Variants in COL4A6 observed in about 807,000 individuals in gnomAD.
The protein encoded by COL4A6 is collagen alpha-6(IV) chain.
A neutral mutation model predicts 126.7 loss-of-function variants in COL4A6; 59 were observed. The observed-to-expected ratio is 0.47, with a 90% CI of 0.38 to 0.58. The LOEUF (loss-of-function observed/expected upper bound fraction) is 0.58, where lower values mean the gene tolerates loss of function less well. Among genes scored for constraint, COL4A6 ranks in the 20% least tolerant of loss-of-function variants. The probability of loss-of-function intolerance (pLI) is 0.00; values close to 1 mark genes in which losing one functional copy is unlikely to be tolerated. For missense variants in COL4A6, 1,285 were observed against 1,337.3 expected (o/e 0.96, Z 0.61); for synonymous variants, 547 against 496.6 (o/e 1.10, Z -1.35).
chrX:108,186,828 C>A (rs950253181), intron 23 of COL4A6, among the ~76,000 whole-genome samples: 3 of 111,061 alleles, frequency 2.7e-5, no homozygotes, highest in Non-Finnish European at 5.7e-5. Flanking sequence ...GAGCTCATAA[C>A]CTCCCTCAGT....
chrX:108,371,222 A>G (rs946698447), intron 2 of COL4A6, among the ~76,000 whole-genome samples: 1 of 110,278 alleles, frequency 9.1e-6, no homozygotes, highest in African/African-American at 3.3e-5. Flanking sequence ...TTTAATATAG[A>G]AAAGCATCAA....
intron 2 of COL4A6, chrX:108,383,842 G>T: frequency 4.1e-6 from 2 of 491,432 alleles, no homozygotes; most frequent in Non-Finnish European, 7.3e-6. Context: ...CAAACCAGAT[G>T]CAAGTCACAT....
intron 3 of COL4A6, among the ~76,000 whole-genome samples, chrX:108,256,493 A>G (rs2037009330): frequency 8.9e-6 from 1 of 111,739 alleles, no homozygotes; most frequent in Admixed American, 9.5e-5. Context: ...TCTATTTTAT[A>G]GATGAGGCAA....
At chrX:108,372,941 G>A (rs905534616) in intron 2 of COL4A6, among the ~76,000 whole-genome samples, 30 of 112,406 alleles carry the variant, frequency 2.7e-4, no homozygotes, top group Admixed American at 1.1e-3. Flanking sequence ...AAGTGGGTAA[G>A]TGGATTCATA....
intron 3 of COL4A6, among the ~76,000 whole-genome samples, chrX:108,237,256 C>A (rs1311939521): frequency 9.0e-6 from 1 of 110,844 alleles, no homozygotes; most frequent in African/African-American, 3.3e-5. Flanking sequence ...CTCTCCTGCT[C>A]AAAAATTGTA....
chrX:108,156,055 G>A lies in COL4A6; in HGVS notation c.*945C>T, dbSNP rs754836305. 1.2e-4 allele frequency: 13 copies of A among 112,522 alleles called. 1 individual carries two copies. The Admixed American group carries it at 1.2e-3, about 11-fold the overall frequency. The allele number at this position is 112,522 out of a possible 1,213,427, so 9.3% of individuals were successfully genotyped here. ...AGGAAACCAACACTGTGCAGCTTCA[G>A]TTTGCCACATTGCACACATCTGGAT... On this transcript the variant is annotated 3_prime_UTR_variant, in exon 45 of 45. Transcript: ENST00000334504.
chrX:108,216,586 C>T (rs1008115678), intron 5 of COL4A6, among the ~76,000 whole-genome samples: 2 of 112,640 alleles, frequency 1.8e-5, no homozygotes, highest in African/African-American at 6.4e-5. Context: ...TTCTCAGAAC[C>T]ACAGAATTTC....
chrX:108,302,348 T>C (rs912206096), intron 3 of COL4A6, among the ~76,000 whole-genome samples: 37 of 111,836 alleles, frequency 3.3e-4, no homozygotes, highest in Admixed American at 7.6e-4. Context: ...AGATCTTTCA[T>C]CATTGAGAAT....
intron 14 of COL4A6, 93 bp downstream of exon 14, chrX:108,196,418 G>T: frequency 1.3e-6 from 1 of 780,559 alleles, no homozygotes; most frequent in Non-Finnish European, 1.9e-6. Context: ...AGCTTAGGTG[G>T]CAATCAAGTT....
intron 2 of COL4A6, among the ~76,000 whole-genome samples, chrX:108,345,147 C>T (rs1025928987): frequency 8.9e-6 from 1 of 111,779 alleles, no homozygotes; most frequent in Non-Finnish European, 1.9e-5. Flanking sequence ...AGTTGCCCTA[C>T]TTGTTTTTAA....
intron 2 of COL4A6, among the ~76,000 whole-genome samples, chrX:108,343,242 G>A (rs1044437586): frequency 4.1e-5 from 4 of 98,566 alleles, no homozygotes; most frequent in Non-Finnish European, 6.0e-5. Flanking sequence ...GTGCCCATAA[G>A]TGACTCAATT....
intron 36 of COL4A6, 68 bp from the exon 37 acceptor site, chrX:108,169,688 G>A: frequency 8.9e-7 from 1 of 1,127,374 alleles, no homozygotes; most frequent in Non-Finnish European, 1.2e-6. Flanking sequence ...TAACTCACTC[G>A]CCTGTGGCCT....
chrX:108,351,993 G>T (rs969221948), intron 2 of COL4A6, among the ~76,000 whole-genome samples: 1 of 112,214 alleles, frequency 8.9e-6, no homozygotes, highest in Non-Finnish European at 1.9e-5. Context: ...CTGGGTAATT[G>T]CCATCTTAAT....
intron 2 of COL4A6, among the ~76,000 whole-genome samples, chrX:108,340,274 C>T (rs951458460): frequency 9.0e-6 from 1 of 111,212 alleles, no homozygotes; most frequent in African/African-American, 3.3e-5. Flanking sequence ...TGAAATATGG[C>T]TAGTTCTACT....
intron 3 of COL4A6, among the ~76,000 whole-genome samples, chrX:108,235,114 G>A (rs2036402337): frequency 9.0e-6 from 1 of 111,553 alleles, no homozygotes; most frequent in Non-Finnish European, 1.9e-5. Context: ...CAAAGCAGGT[G>A]GTGGGGTTTT....
At chrX:108,287,481 AGAGCAGCCTT>A (rs1185758347) in intron 3 of COL4A6, among the ~76,000 whole-genome samples, 1 of 111,959 alleles carries the variant, frequency 8.9e-6, no homozygotes, top group Non-Finnish European at 1.9e-5. Context: ...TGGCAGCTCT[AGAGCAGCCTT>A]GAGTTTAGGG....
intron 2 of COL4A6, among the ~76,000 whole-genome samples, chrX:108,364,001 G>A (rs2040144625): frequency 9.1e-6 from 1 of 110,313 alleles, no homozygotes; most frequent in Admixed American, 9.6e-5. Context: ...CCTTCTGAGT[G>A]GCTGGGATTA....
At chrX:108,282,080 G>A (rs921596741) in intron 3 of COL4A6, among the ~76,000 whole-genome samples, 9 of 110,888 alleles carry the variant, frequency 8.1e-5, no homozygotes, top group African/African-American at 3.0e-4. Flanking sequence ...CAGGACATAC[G>A]CATGGGCAAA....
intron 2 of COL4A6, among the ~76,000 whole-genome samples, chrX:108,353,003 T>C (rs968152354): frequency 8.9e-6 from 1 of 112,196 alleles, no homozygotes; most frequent in Admixed American, 9.4e-5. Context: ...ATAGTTTCCT[T>C]GGCAACAGAA....
Sources: allele counts gnomAD v4.1 joint callset (sites outside exome capture counted in the v4.1 genomes callset), GRCh38; gene constraint gnomAD v4.1.1; transcripts MANE v1.5; gene names NCBI Gene and HGNC (gene_info 2026-07-23, HGNC 2026-07-21).